Variants in SMIM31 observed in about 807,000 individuals in gnomAD.
SMIM31 encodes the protein small integral membrane protein 31, also known as human epithelial cell program regulator.
At chr4:164,765,969 T>G (rs567946868) in intron 1 of SMIM31, among the ~76,000 whole-genome samples, 2 of 152,228 alleles carry the variant, frequency 1.3e-5, no homozygotes, top group South Asian at 4.2e-4. Context: ...GGAGACTCAA[T>G]AAGAAGAGCA....
chr4:164,773,515 G>A (rs893274275), intron 2 of SMIM31, among the ~76,000 whole-genome samples: 14 of 152,268 alleles, frequency 9.2e-5, no homozygotes, highest in Middle Eastern at 3.4e-3. Context: ...AAGAATGAGC[G>A]AAACTGGGGG....
chr4:164,800,355 G>A (rs771458789), intron 2 of SMIM31, among the ~76,000 whole-genome samples: 2 of 151,758 alleles, frequency 1.3e-5, no homozygotes, highest in African/African-American at 4.8e-5. Flanking sequence ...TATTACAGAC[G>A]CGCCACCATG....
At chr4:164,758,336 G>A (rs903655557) in intron 1 of SMIM31, among the ~76,000 whole-genome samples, 1 of 152,010 alleles carries the variant, frequency 6.6e-6, no homozygotes, top group Non-Finnish European at 1.5e-5. Context: ...TACTTATTAA[G>A]TTGTGCTCTT....
At chr4:164,765,986 A>G (rs905671007) in intron 1 of SMIM31, among the ~76,000 whole-genome samples, 2 of 152,226 alleles carry the variant, frequency 1.3e-5, no homozygotes, top group East Asian at 3.8e-4. Context: ...AGCATGTTCC[A>G]TGCTGTCCCC....
In SMIM31 at chr4:164,801,693, TA is replaced by T. The variant is rs1225666608; in HGVS notation, c.*500del. ...AAAACACTATATATTTTTTCAGCTT[TA>T]CAGAAGAAATTTTGAAAGGTTTACA... On this transcript the variant is annotated 3_prime_UTR_variant, in exon 3 of 3. Coordinates refer to ENST00000507311, the MANE Select transcript of SMIM31 (RefSeq NM_001352885.1). 6.6e-6 allele frequency: 1 copy of T among 152,236 alleles called. No individual in the cohort carries two copies. The highest frequency in any genetic ancestry group is 1.5e-5 in the Non-Finnish European group (1 of 68,066). The allele number at this position is 152,236 out of a possible 1,614,324, so 9.4% of individuals were successfully genotyped here. A position where few individuals can be genotyped will look rare whatever the true frequency, so the allele number is the denominator to read the frequency against.
chr4:164,779,502 T>C (rs1485167454), intron 2 of SMIM31, among the ~76,000 whole-genome samples: 2 of 149,544 alleles, frequency 1.3e-5, no homozygotes, highest in Non-Finnish European at 3.0e-5. Context: ...GTTTTAAAGT[T>C]ATTTTTCTGC....
At chr4:164,782,231 A>G (rs1274444726) in intron 2 of SMIM31, among the ~76,000 whole-genome samples, 2 of 151,712 alleles carry the variant, frequency 1.3e-5, no homozygotes, top group Admixed American at 6.6e-5. Context: ...CAGAGGTTGC[A>G]GTGAGCCGAG....
chr4:164,788,209 A>G (rs1733051462), intron 2 of SMIM31, among the ~76,000 whole-genome samples: 1 of 152,148 alleles, frequency 6.6e-6, no homozygotes, highest in Non-Finnish European at 1.5e-5. Context: ...AAAAGTAGAG[A>G]GCTGAGGATA....
At chr4:164,786,734 T>C (rs1333615525) in intron 2 of SMIM31, among the ~76,000 whole-genome samples, 1 of 152,160 alleles carries the variant, frequency 6.6e-6, no homozygotes, top group Non-Finnish European at 1.5e-5. Context: ...CCGGATTAAA[T>C]TTTCCCTTAT....
chr4:164,783,232 A>AAAAAAC (rs147369524), intron 2 of SMIM31, among the ~76,000 whole-genome samples: 58,876 of 125,826 alleles, frequency 0.47, 15,417 homozygotes, highest in Non-Finnish European at 0.54. Context: ...AAAAAAAAAA[A>AAAAAAC]GGAATTTCTG....
intron 2 of SMIM31, among the ~76,000 whole-genome samples, chr4:164,792,683 A>G (rs1461517299): frequency 1.3e-5 from 2 of 152,220 alleles, no homozygotes; most frequent in Non-Finnish European, 2.9e-5. Flanking sequence ...CAGTACACAT[A>G]AAAATCCAAA....
chr4:164,799,456 C>T (rs1032122019), intron 2 of SMIM31, among the ~76,000 whole-genome samples: 2 of 151,540 alleles, frequency 1.3e-5, no homozygotes, highest in Admixed American at 1.3e-4. Context: ...TTTTTTTTAA[C>T]AGCGATGGAA....
chr4:164,758,828 T>A (rs1206985305), intron 1 of SMIM31, among the ~76,000 whole-genome samples: 102 of 75,636 alleles, frequency 1.3e-3, no homozygotes, highest in African/African-American at 3.1e-3. Context: ...TTTTTTTTTT[T>A]TTTTTTTTTT....
At chr4:164,790,631 A>G (rs1338944460) in intron 2 of SMIM31, among the ~76,000 whole-genome samples, 1 of 152,180 alleles carries the variant, frequency 6.6e-6, no homozygotes, top group Non-Finnish European at 1.5e-5. Context: ...AAAAAATAAA[A>G]TAAAGTTTTG....
chr4:164,770,413 T>C lies in SMIM31; in HGVS notation c.-25-6T>C, dbSNP rs1732784904. ...ATGCTGAGCCCATGTTTTATTCCTA[T>C]TGTAGGTGAAGAAGTTTTCGGTGGT... On this transcript the variant is annotated splice_region_variant and splice_polypyrimidine_tract_variant and intron_variant, in intron 1 of 2. Transcript: ENST00000507311. 5 of 398,744 alleles carry C rather than the reference T, an allele frequency of 1.3e-5. No homozygotes were observed. The highest frequency in any genetic ancestry group is 2.2e-5 in the Non-Finnish European group (5 of 225,978). 24.7% of individuals were successfully genotyped at this position (398,744 alleles called of 1,614,324 possible). A position where few individuals can be genotyped will look rare whatever the true frequency, so the allele number is the denominator to read the frequency against.
chr4:164,773,156 C>A (rs1447979781), intron 2 of SMIM31, among the ~76,000 whole-genome samples: 1 of 150,664 alleles, frequency 6.6e-6, no homozygotes, highest in Admixed American at 6.6e-5. Flanking sequence ...GACATCCAGG[C>A]AAAAGGAAAA....
chr4:164,760,445 T>C (rs1732631051), intron 1 of SMIM31, among the ~76,000 whole-genome samples: 2 of 151,786 alleles, frequency 1.3e-5, no homozygotes, highest in East Asian at 1.9e-4. Flanking sequence ...ATAAAGCCAA[T>C]AGGGGCCAGG....
chr4:164,758,510 T>A (rs1451692368), intron 1 of SMIM31, among the ~76,000 whole-genome samples: 2 of 152,162 alleles, frequency 1.3e-5, no homozygotes, highest in African/African-American at 4.8e-5. Context: ...ATGTCCTTTA[T>A]TAAATTGAGG....
chr4:164,771,004 T>C (rs766335792), intron 2 of SMIM31, among the ~76,000 whole-genome samples: 2 of 152,220 alleles, frequency 1.3e-5, no homozygotes, highest in Non-Finnish European at 2.9e-5. Flanking sequence ...TTTATATTTA[T>C]TTGTGTATAT....
Sources: gnomAD v4.1 joint callset for allele counts (sites outside exome capture counted in the v4.1 genomes callset) on GRCh38, gnomAD v4.1.1 for gene constraint, MANE v1.5 for transcripts, NCBI Gene and HGNC (gene_info 2026-07-23, HGNC 2026-07-21) for gene names.